SLC13A1: variants seen among roughly 807,000 people sequenced by gnomAD.
SLC13A1 encodes the protein Na(+)/sulfate cotransporter.
A neutral mutation model predicts 70.0 loss-of-function variants in SLC13A1; 65 were observed. The observed-to-expected ratio is 0.93, with a 90% CI of 0.76 to 1.14. SLC13A1 has a LOEUF of 1.14. Ranked by LOEUF, SLC13A1 falls within the 50% of genes most tolerant of loss-of-function variation. The pLI is 0.00. For synonymous variants in SLC13A1, 275 were observed against 250.5 expected (o/e 1.10, Z -0.92); for missense variants, 726 against 717.8 (o/e 1.01, Z -0.13).
chr7:123,125,779 AGTAG>A lies in SLC13A1; in HGVS notation c.1134-108_1134-105del, dbSNP rs543918438. On this transcript the variant is annotated intron_variant, in intron 10 of 14. Coordinates refer to ENST00000194130, the MANE Select transcript of SLC13A1 (RefSeq NM_022444.4). ...ATATCAGTAATAGGTTATTATCAGT[AGTAG>A]GTGGTGTAGGTTATTTATCCTCAAT... 1.8e-5 allele frequency: 14 copies of A among 776,382 alleles called. No individual in the cohort carries two copies. The South Asian group carries it at 1.9e-4, about 11-fold the overall frequency. The allele number at this position is 776,382 out of a possible 1,614,324, so 48.1% of individuals were successfully genotyped here. A position where few individuals can be genotyped will look rare whatever the true frequency, so the allele number is the denominator to read the frequency against.
chr7:123,163,830 C>T (rs902427718), intron 6 of SLC13A1, among the ~76,000 whole-genome samples: 1 of 151,816 alleles, frequency 6.6e-6, no homozygotes, highest in Non-Finnish European at 1.5e-5. Flanking sequence ...ACACTGGAAA[C>T]TTAGTGTAGT....
intron 6 of SLC13A1, among the ~76,000 whole-genome samples, chr7:123,150,697 C>T (rs1356003842): frequency 6.6e-6 from 1 of 152,094 alleles, no homozygotes; most frequent in East Asian, 1.9e-4. Context: ...TCAATCTCAA[C>T]TTTGTAGTCC....
intron 8 of SLC13A1, among the ~76,000 whole-genome samples, chr7:123,130,327 A>G (rs564050361): frequency 6.6e-6 from 1 of 152,318 alleles, no homozygotes; most frequent in South Asian, 2.1e-4. Flanking sequence ...ATTCCCATCA[A>G]TGATAGACTG....
At chr7:123,169,814 G>T (rs182180217) in intron 3 of SLC13A1, among the ~76,000 whole-genome samples, 1 of 152,226 alleles carries the variant, frequency 6.6e-6, no homozygotes, top group Admixed American at 6.5e-5. Flanking sequence ...CAAGGACAAA[G>T]AAAGATTAAT....
chr7:123,161,536 T>G (rs984908429), intron 6 of SLC13A1, among the ~76,000 whole-genome samples: 1 of 152,182 alleles, frequency 6.6e-6, no homozygotes, highest in Admixed American at 6.6e-5. Context: ...ACTTTCTCCT[T>G]TCCTTGAGCA....
intron 10 of SLC13A1, among the ~76,000 whole-genome samples, chr7:123,127,596 T>G (rs1324176542): frequency 6.6e-6 from 1 of 152,022 alleles, no homozygotes; most frequent in Non-Finnish European, 1.5e-5. Context: ...CCTCTCAAAA[T>G]GAAAAGTTTT....
chr7:123,137,932 CTT>C, intron 7 of SLC13A1, among the ~76,000 whole-genome samples: 1 of 152,222 alleles, frequency 6.6e-6, no homozygotes, highest in East Asian at 1.9e-4. Context: ...CAATTATACT[CTT>C]TTAGTTATTT....
rs1439535234 is a variant in SLC13A1, at chr7:123,114,169, T to C, written c.*1349A>G. 1 of 151,874 alleles carries C rather than the reference T, an allele frequency of 6.6e-6. No homozygotes were observed. The highest frequency in any genetic ancestry group is 1.5e-5 in the Non-Finnish European group (1 of 67,966). 9.4% of individuals were successfully genotyped at this position (151,874 alleles called of 1,614,324 possible). The stretch of plus-strand genomic sequence containing the variant: ...TTTTAGCATGAGAATTGCTGTGATA[T>C]AACATCTGCATCTTTTGCTAACTGT... On this transcript the variant is annotated 3_prime_UTR_variant, in exon 15 of 15. Transcript: ENST00000194130.
At chr7:123,140,796 A>G (rs1794109610) in intron 7 of SLC13A1, among the ~76,000 whole-genome samples, 1 of 151,914 alleles carries the variant, frequency 6.6e-6, no homozygotes, top group Non-Finnish European at 1.5e-5. Context: ...CTGATTTTAA[A>G]TATTTGGATC....
In SLC13A1 at chr7:123,129,457, G is replaced by C; in HGVS notation, c.957C>G (p.Gly319=). The C allele has an allele frequency of 1.2e-6, 2 of 1,612,036 alleles. No homozygotes were observed. Among genetic ancestry groups the C allele is most frequent in the Non-Finnish European group, 1.7e-6 (2 of 1,179,216 alleles). The change falls in exon 9 of 15, where the codon GGC becomes GGG. Residue 319 remains glycine (G), a synonymous_variant. Coordinates refer to ENST00000194130, the MANE Select transcript of SLC13A1 (RefSeq NM_022444.4). ...GFNFKEMFKC[G]KTKTVQQKAC... is the part of the protein sequence containing the mutation. Reference sequence around the variant, plus strand: ...CTTTTTGTTGGACTGTTTTGGTTTTGCCACATTTGAACATCTCCTTAAAAC... The same window carrying C: ...CTTTTTGTTGGACTGTTTTGGTTTTCCCACATTTGAACATCTCCTTAAAAC...
chr7:123,175,434 G>T (rs1490048919), intron 2 of SLC13A1, among the ~76,000 whole-genome samples: 2 of 152,062 alleles, frequency 1.3e-5, no homozygotes, highest in African/African-American at 4.8e-5. Flanking sequence ...GACTGCTGTG[G>T]TCTAAACGTT....
intron 7 of SLC13A1, among the ~76,000 whole-genome samples, chr7:123,137,196 C>CAG (rs35388167): frequency 0.22 from 33,415 of 152,010 alleles, 4,354 homozygotes; most frequent in East Asian, 0.35. Context: ...AGAGTGGAAA[C>CAG]TGTGTGATGT....
rs755729869 is a variant in SLC13A1 at position 123,125,586 on chromosome 7, G to A, written c.1223C>T (p.Thr408Ile). The A allele has an allele frequency of 3.7e-6, 6 of 1,608,558 alleles. No homozygotes were observed. In the South Asian group the frequency reaches 4.4e-5, roughly 12 times the overall value. ...LIPAKTLTKT[T>I]PTGEIVAFDY... ...TACTCAACCAATTTCTCCTGTAGGT[G>A]TAGTTTTAGTCAGTGTCTTAGCTGG... Residue 408 changes from threonine to isoleucine, a missense_variant, in exon 11 of 15, where the codon ACA becomes ATA. Transcript: ENST00000194130.
At position 123,114,251 on chromosome 7, in the gene SLC13A1, G is replaced by A. The variant is rs1307005579; in HGVS notation, c.*1267C>T. On this transcript the variant is annotated 3_prime_UTR_variant, in exon 15 of 15. Transcript: ENST00000194130. ...TTAGCTGAATTTTGGAATGCCAATAGCACTTACTCTTTAAAAATTTATTTA... is the reference window on the plus strand; with the variant it reads ...TTAGCTGAATTTTGGAATGCCAATAACACTTACTCTTTAAAAATTTATTTA... 2.0e-5 allele frequency: 3 copies of A among 151,932 alleles called. No homozygotes were observed. The highest frequency in any genetic ancestry group is 7.3e-5 in the African/African-American group (3 of 41,370). The allele number at this position is 151,932 out of a possible 1,614,324, so 9.4% of individuals were successfully genotyped here.
intron 13 of SLC13A1, among the ~76,000 whole-genome samples, chr7:123,118,507 G>A (rs761815752): frequency 1.3e-5 from 2 of 152,060 alleles, no homozygotes; most frequent in Non-Finnish European, 2.9e-5. Context: ...GCTGTTTCTT[G>A]TAATTGCTAC....
At chr7:123,190,835 T>A (rs1280423408) in intron 1 of SLC13A1, among the ~76,000 whole-genome samples, 1 of 152,196 alleles carries the variant, frequency 6.6e-6, no homozygotes, top group African/African-American at 2.4e-5. Flanking sequence ...TGTTTGTTTT[T>A]TTAATCTCAG....
At chr7:123,152,397 T>A (rs964998590) in intron 6 of SLC13A1, among the ~76,000 whole-genome samples, 6 of 152,128 alleles carry the variant, frequency 3.9e-5, no homozygotes, top group African/African-American at 1.4e-4. Context: ...ATGGTACTTC[T>A]ATTTTTTTTC....
rs200816957 is a variant in SLC13A1 at position 123,193,312 on chromosome 7, T to TAA, written c.99+6534_99+6535dup. ...AAAAGAGCCTTGCTCATTTTATAAA[T>TAA]AAAAAAAAAAATCAGCCAAGGGTAG... On this transcript the variant is annotated intron_variant, in intron 1 of 14. Transcript: ENST00000194130. Among the ~76,000 whole-genome samples the TAA allele has an allele frequency of 5.6e-4, 83 of 149,502 alleles. 1 individual carries two copies. The highest frequency in any genetic ancestry group is 1.4e-3 in the African/African-American group (57 of 40,748).
chr7:123,124,391 T>C (rs1157882313), intron 11 of SLC13A1, among the ~76,000 whole-genome samples: 3 of 152,270 alleles, frequency 2.0e-5, no homozygotes, highest in Admixed American at 1.3e-4. Context: ...TATTCTAATC[T>C]CAAGTGAAAA....
Sources: gnomAD v4.1 joint callset for allele counts (sites outside exome capture counted in the v4.1 genomes callset) on GRCh38, gnomAD v4.1.1 for gene constraint, MANE v1.5 for transcripts, NCBI Gene and HGNC (gene_info 2026-07-23, HGNC 2026-07-21) for gene names.